The following ANO2 variants were observed in gnomAD, a reference collection of about 807,000 sequenced individuals.
ANO2 encodes the protein anoctamin 2.
In ANO2, 101 loss-of-function variants were observed where a neutral mutation model predicts 124.2. The observed-to-expected ratio is 0.81, with a 90% confidence interval of 0.69 to 0.96. The LOEUF (loss-of-function observed/expected upper bound fraction) is 0.96, where lower values mean the gene tolerates loss of function less well. Ranked by LOEUF, ANO2 falls within the 40% of genes least tolerant of loss-of-function variation. The pLI is 0.00. For synonymous variants in ANO2, 486 were observed against 482.5 expected, an observed-to-expected ratio of 1.01 and a Z score of -0.09; for missense variants, 1,293 against 1,274.5, an observed-to-expected ratio of 1.01 and a Z score of -0.22.
rs957184462 is a variant in ANO2 at position 5,617,734 on chromosome 12, T to A, written c.1817-2437A>T. 3.3e-5 allele frequency among the ~76,000 whole-genome samples: 5 copies of A among 152,190 alleles called. No individual in the cohort carries two copies. In the East Asian group the frequency reaches 9.6e-4, roughly 29 times the overall value. On this transcript the variant is annotated intron_variant, in intron 16 of 24. Coordinates refer to ENST00000682330, the MANE Select transcript of ANO2 (RefSeq NM_001364791.2). ...CTCAAGATCACACTGTACCACACTC[T>A]CCGGATCACAGTGTGCCACACTCTC...
chr12:5,598,548 GT>G (rs1943777269), intron 20 of ANO2, among the ~76,000 whole-genome samples: 1 of 152,080 alleles, frequency 6.6e-6, no homozygotes, highest in South Asian at 2.1e-4. Flanking sequence ...TAGAGATGGA[GT>G]TTCACCATGT....
chr12:5,662,680 G>A (rs1947507551), intron 14 of ANO2, among the ~76,000 whole-genome samples: 1 of 152,116 alleles, frequency 6.6e-6, no homozygotes, highest in Non-Finnish European at 1.5e-5. Flanking sequence ...TAATAAACTG[G>A]CCAAAAAAAG....
At chr12:5,808,369 C>T (rs552936257) in intron 7 of ANO2, among the ~76,000 whole-genome samples, 1 of 152,298 alleles carries the variant, frequency 6.6e-6, no homozygotes, top group South Asian at 2.1e-4. Context: ...TTGTTTCATT[C>T]TTGGTTTTTT....
chr12:5,662,745 G>A (rs1947511214), intron 14 of ANO2, among the ~76,000 whole-genome samples: 1 of 152,150 alleles, frequency 6.6e-6, no homozygotes, highest in South Asian at 2.1e-4. Flanking sequence ...CCCCTAGCAC[G>A]CAATGTTTGT....
At chr12:5,892,067 G>GA (rs371460304) in intron 3 of ANO2, among the ~76,000 whole-genome samples, 1,589 of 145,018 alleles carry the variant, frequency 0.011, 22 homozygotes, top group African/African-American at 0.036. Context: ...GACATTTTCA[G>GA]AAAAAAAAAA....
intron 10 of ANO2, among the ~76,000 whole-genome samples, chr12:5,754,087 T>C (rs1951512428): frequency 6.6e-6 from 1 of 152,216 alleles, no homozygotes; most frequent in Non-Finnish European, 1.5e-5. Flanking sequence ...GTTCCTTCCA[T>C]TCCTAACTTG....
At chr12:5,639,911 T>G (rs1398010606) in intron 15 of ANO2, among the ~76,000 whole-genome samples, 1 of 152,146 alleles carries the variant, frequency 6.6e-6, no homozygotes, top group East Asian at 1.9e-4. Flanking sequence ...TTTCTGATGG[T>G]GGACTCCCAA....
intron 3 of ANO2, among the ~76,000 whole-genome samples, chr12:5,873,203 C>A (rs1230054242): frequency 2.8e-5 from 1 of 35,574 alleles, no homozygotes; most frequent in African/African-American, 1.3e-4. Context: ...GCAGCTCTCT[C>A]TCTCTCTCTC....
At position 5,815,509 on chromosome 12, in the gene ANO2, T is replaced by A. The variant is rs191608144; in HGVS notation, c.893-8141A>T. ...ACATAAGACGCCTTTATGTGGAGAA[T>A]ATATGTAGACATGTTCTACATAAGC... On this transcript the variant is annotated intron_variant, in intron 7 of 24. Coordinates refer to ENST00000682330, the MANE Select transcript of ANO2 (RefSeq NM_001364791.2). Among the ~76,000 whole-genome samples, 6 of 152,232 alleles carry A rather than the reference T, an allele frequency of 3.9e-5. No homozygotes were observed. The East Asian group carries it at 9.7e-4, about 24-fold the overall frequency.
At chr12:5,879,575 G>T (rs1181812345) in intron 3 of ANO2, among the ~76,000 whole-genome samples, 1 of 152,188 alleles carries the variant, frequency 6.6e-6, no homozygotes, top group Non-Finnish European at 1.5e-5. Flanking sequence ...TACAATATTT[G>T]CAGGGTGCAA....
Position 5,810,551 on chromosome 12 carries a change from C to T in ANO2, c.893-3183G>A, listed in dbSNP as rs115143027. ...TATTCTTTCCTCTCAGCTCTCGACC[C>T]AGGGAGAGACAGAGAGACCCAACCT... On this transcript the variant is annotated intron_variant, in intron 7 of 24. Transcript: ENST00000682330. 7.6e-3 allele frequency among the ~76,000 whole-genome samples: 1,150 copies of T among 152,242 alleles called. 16 individuals are homozygous for T. The highest frequency in any genetic ancestry group is 0.026 in the African/African-American group (1,077 of 41,532).
chr12:5,655,862 T>C (rs913506075), intron 14 of ANO2, among the ~76,000 whole-genome samples: 8 of 152,160 alleles, frequency 5.3e-5, no homozygotes, highest in East Asian at 1.9e-4. Context: ...AAAAAATACA[T>C]GGACCATGAA....
chr12:5,879,677 G>A (rs899054083), intron 3 of ANO2, among the ~76,000 whole-genome samples: 11 of 152,176 alleles, frequency 7.2e-5, no homozygotes, highest in African/African-American at 2.7e-4. Context: ...AGAGAAGAAA[G>A]AGCATTTCAG....
intron 15 of ANO2, among the ~76,000 whole-genome samples, chr12:5,638,204 C>T (rs968140839): frequency 1.1e-4 from 16 of 149,364 alleles, no homozygotes; most frequent in Non-Finnish European, 8.9e-5. Flanking sequence ...TGTCTTTATT[C>T]GATGCATATC....
chr12:5,875,414 C>T (rs1938026598), intron 3 of ANO2, among the ~76,000 whole-genome samples: 1 of 152,238 alleles, frequency 6.6e-6, no homozygotes, highest in East Asian at 1.9e-4. Flanking sequence ...CTTCCTGCTA[C>T]ATCAAAAGGC....
At chr12:5,738,975 A>G in intron 13 of ANO2, 1 of 412,064 alleles carries the variant, frequency 2.4e-6, no homozygotes, top group Non-Finnish European at 4.8e-6. Context: ...GCATTCTGAC[A>G]TATCCCTGAC....
chr12:5,578,316 C>A (rs757753138), intron 21 of ANO2, 50 bp downstream of exon 21: 29 of 1,590,816 alleles, frequency 1.8e-5, no homozygotes, highest in Middle Eastern at 3.7e-4. Flanking sequence ...CCAGAGGGGA[C>A]AGAATGGCAG....
At chr12:5,641,239 G>T (rs933523250) in intron 15 of ANO2, among the ~76,000 whole-genome samples, 25 of 152,016 alleles carry the variant, frequency 1.6e-4, no homozygotes, top group Non-Finnish European at 3.4e-4. Flanking sequence ...TGGGGGGCAG[G>T]GGGAGGGATA....
intron 7 of ANO2, among the ~76,000 whole-genome samples, chr12:5,811,503 C>T (rs1227288513): frequency 6.6e-6 from 1 of 151,812 alleles, no homozygotes; most frequent in Non-Finnish European, 1.5e-5. Context: ...GGGGAGGTTC[C>T]CAAAGAATAC....
Sources: allele counts gnomAD v4.1 joint callset (sites outside exome capture counted in the v4.1 genomes callset), GRCh38; gene constraint gnomAD v4.1.1; transcripts MANE v1.5; gene names NCBI Gene and HGNC (gene_info 2026-07-23, HGNC 2026-07-21).